The following ASTN2 variants were observed in gnomAD, a reference collection of about 807,000 sequenced individuals.
The protein encoded by ASTN2 is astrotactin-2.
Under a neutral mutation model 139.8 loss-of-function variants are expected in ASTN2, and 54 were observed. The observed-to-expected ratio is 0.39, with a 90% CI of 0.31 to 0.48. The LOEUF is 0.48. ASTN2 is among the 20% of genes least tolerant of loss of function. ASTN2 has a pLI of 0.95. For synonymous variants in ASTN2, 756 were observed against 719.5 expected, an observed-to-expected ratio of 1.05 and a Z score of -0.81; for missense variants, 1,565 against 1,725.1, an observed-to-expected ratio of 0.91 and a Z score of 1.64.
intron 3 of ASTN2, among the ~76,000 whole-genome samples, chr9:117,190,638 CA>C (rs1054035410): frequency 7.9e-5 from 12 of 152,126 alleles, no homozygotes; most frequent in African/African-American, 2.9e-4. Context: ...TCTAGTGCTC[CA>C]ATCACACTGG....
intron 13 of ASTN2, among the ~76,000 whole-genome samples, chr9:116,741,546 T>C (rs1368253949): frequency 1.3e-5 from 2 of 152,212 alleles, no homozygotes; most frequent in Admixed American, 1.3e-4. Context: ...GGCTGAGATT[T>C]GGTGTCCTCT....
chr9:116,819,828 C>A (rs955967926), intron 12 of ASTN2, among the ~76,000 whole-genome samples: 4 of 152,188 alleles, frequency 2.6e-5, no homozygotes, highest in Non-Finnish European at 5.9e-5. Context: ...ATGCTATATG[C>A]AAGGTGCTGT....
intron 3 of ASTN2, among the ~76,000 whole-genome samples, chr9:117,180,114 G>T (rs575420435): frequency 3.9e-5 from 6 of 152,316 alleles, no homozygotes; most frequent in African/African-American, 1.4e-4. Context: ...GATTCACAGA[G>T]TAGTCTTCCA....
At position 117,399,766 on chromosome 9, in the gene ASTN2, T is replaced by A. The variant is rs148340820; in HGVS notation, c.442+14731A>T. Among the ~76,000 whole-genome samples the A allele has an allele frequency of 1.8e-3, 276 of 152,274 alleles. 2 individuals are homozygous for A. Among genetic ancestry groups the A allele is most frequent in the African/African-American group, 6.2e-3 (259 of 41,582 alleles). On this transcript the variant is annotated intron_variant, in intron 1 of 22. Coordinates refer to ENST00000313400, the MANE Select transcript of ASTN2 (RefSeq NM_001365068.1). Reference sequence around the variant, plus strand: ...AAAAGGTCTTAACACCAGGCAGAGATGCCAAGGTTTTCGGGTTGAATTGGT... The same window carrying A: ...AAAAGGTCTTAACACCAGGCAGAGAAGCCAAGGTTTTCGGGTTGAATTGGT...
rs549354087 is a variant in ASTN2 at position 116,550,438 on chromosome 9, T to C, written c.3356-62938A>G. ...AAAAACAGTTACTTTGCTGTTGTCA[T>C]GAGTCACCTATGGGATTCCCTATGG... On this transcript the variant is annotated intron_variant, in intron 19 of 22. Transcript: ENST00000313400. Among the ~76,000 whole-genome samples the C allele has an allele frequency of 2.0e-5, 3 of 152,322 alleles. No individual in the cohort carries two copies. The South Asian group carries it at 6.2e-4, about 32-fold the overall frequency.
At chr9:116,915,195 T>C (rs748144241) in intron 10 of ASTN2, among the ~76,000 whole-genome samples, 2 of 152,174 alleles carry the variant, frequency 1.3e-5, no homozygotes, top group Non-Finnish European at 2.9e-5. Context: ...GCTGATATCT[T>C]AACATGTCTG....
At chr9:117,397,909 C>T (rs1022434231) in intron 1 of ASTN2, among the ~76,000 whole-genome samples, 1 of 152,184 alleles carries the variant, frequency 6.6e-6, no homozygotes, top group Non-Finnish European at 1.5e-5. Flanking sequence ...GACACCCACC[C>T]CCGACAGGTT....
chr9:116,766,252 C>A (rs750956560), intron 13 of ASTN2, among the ~76,000 whole-genome samples: 1 of 152,072 alleles, frequency 6.6e-6, no homozygotes, highest in Non-Finnish European at 1.5e-5. Flanking sequence ...CACAAATACA[C>A]ACGTGCACTG....
intron 16 of ASTN2, among the ~76,000 whole-genome samples, chr9:116,683,544 A>G (rs1860018579): frequency 6.6e-6 from 1 of 152,164 alleles, no homozygotes; most frequent in South Asian, 2.1e-4. Flanking sequence ...CAGGTCTCAG[A>G]TAACTTTAAA....
Position 117,285,252 on chromosome 9 carries a change from A to G in ASTN2, c.630+6074T>C, listed in dbSNP as rs1285230155. On this transcript the variant is annotated intron_variant, in intron 2 of 22. Transcript: ENST00000313400. ...GCAATGAGACCCCATAGTTGGCTCA[A>G]TCTGAGCTGGTGGCTGATTTTGTAA... Among the ~76,000 whole-genome samples, 5 of 151,408 alleles carry G rather than the reference A, an allele frequency of 3.3e-5. No homozygotes were observed. In the South Asian group the frequency reaches 1.0e-3, roughly 32 times the overall value.
At chr9:116,489,428 G>T (rs1054912183) in intron 19 of ASTN2, among the ~76,000 whole-genome samples, 1 of 151,914 alleles carries the variant, frequency 6.6e-6, no homozygotes, top group Admixed American at 6.6e-5. Context: ...CCTCTGCCCC[G>T]CAGGCTCAAG....
At chr9:116,654,047 T>C (rs1270845689) in intron 16 of ASTN2, among the ~76,000 whole-genome samples, 1 of 152,120 alleles carries the variant, frequency 6.6e-6, no homozygotes. Flanking sequence ...GACGGATAGT[T>C]TTGAGGAAAG....
At chr9:117,041,868 C>T (rs986308314) in intron 5 of ASTN2, among the ~76,000 whole-genome samples, 1 of 152,182 alleles carries the variant, frequency 6.6e-6, no homozygotes, top group African/African-American at 2.4e-5. Flanking sequence ...CCCCATCACT[C>T]TTTGAGACTC....
chr9:117,302,467 C>A (rs2130801769), intron 1 of ASTN2, among the ~76,000 whole-genome samples: 1 of 152,112 alleles, frequency 6.6e-6, no homozygotes, highest in African/African-American at 2.4e-5. Flanking sequence ...TCCTTAAATC[C>A]CAAAAGTAAT....
intron 6 of ASTN2, among the ~76,000 whole-genome samples, chr9:117,017,309 A>G (rs1186069833): frequency 6.6e-6 from 1 of 152,004 alleles, no homozygotes; most frequent in Non-Finnish European, 1.5e-5. Context: ...CATCAGACCC[A>G]ATTTTAGTGT....
intron 1 of ASTN2, among the ~76,000 whole-genome samples, chr9:117,381,146 T>G (rs2130928373): frequency 6.6e-6 from 1 of 152,310 alleles, no homozygotes; most frequent in Admixed American, 6.5e-5. Context: ...AAAGACCACA[T>G]ATTGTATGAT....
intron 3 of ASTN2, among the ~76,000 whole-genome samples, chr9:117,186,346 A>G (rs554579690): frequency 6.6e-6 from 1 of 151,766 alleles, no homozygotes; most frequent in East Asian, 2.0e-4. Flanking sequence ...GGAGATCGAG[A>G]CCACCCTGGC....
chr9:117,219,110 C>G (rs1206212686), intron 2 of ASTN2, among the ~76,000 whole-genome samples: 1 of 152,200 alleles, frequency 6.6e-6, no homozygotes, highest in African/African-American at 2.4e-5. Flanking sequence ...CATCTGGCTG[C>G]TTCTGTCATA....
At chr9:117,402,891 A>T (rs1830876519) in intron 1 of ASTN2, among the ~76,000 whole-genome samples, 1 of 152,158 alleles carries the variant, frequency 6.6e-6, no homozygotes, top group African/African-American at 2.4e-5. Context: ...CTTAGAGCAG[A>T]TGCTAGAGCT....
Sources: gnomAD v4.1 joint callset for allele counts (sites outside exome capture counted in the v4.1 genomes callset) on GRCh38, gnomAD v4.1.1 for gene constraint, MANE v1.5 for transcripts, NCBI Gene and HGNC (gene_info 2026-07-23, HGNC 2026-07-21) for gene names.